Variants in PEX13 observed in about 807,000 individuals in gnomAD.
PEX13 encodes the protein peroxisomal biogenesis factor 13.
PEX13 carries 28 observed loss-of-function variants against 34.5 expected under a neutral mutation model. That is an observed-to-expected ratio of 0.81 (90% confidence interval 0.60 to 1.11). PEX13 has a LOEUF of 1.11. Among genes scored for constraint, PEX13 ranks in the 50% most tolerant of loss-of-function variants. PEX13 has a pLI of 0.00. For missense variants in PEX13, 550 were observed against 491.0 expected, an observed-to-expected ratio of 1.12 and a Z score of -1.13; for synonymous variants, 177 against 175.1, an observed-to-expected ratio of 1.01 and a Z score of -0.09.
intron 2 of PEX13, among the ~76,000 whole-genome samples, chr2:61,036,417 A>G (rs374272635): frequency 2.0e-5 from 3 of 152,358 alleles, no homozygotes; most frequent in South Asian, 4.1e-4. Context: ...AGCCCATCAG[A>G]CTAACAGCAG....
chr2:61,017,936 G>A (rs1680122565), intron 1 of PEX13, 85 bp downstream of exon 1: 2 of 1,414,290 alleles, frequency 1.4e-6, no homozygotes, highest in South Asian at 1.3e-5. Context: ...TGTTAGTGGA[G>A]GTATTCCCTT....
intron 1 of PEX13, among the ~76,000 whole-genome samples, chr2:61,029,132 C>A: frequency 1.5e-5 from 1 of 66,860 alleles, no homozygotes; most frequent in Non-Finnish European, 2.8e-5. Flanking sequence ...GAGGGAGACC[C>A]TGTCTCCAAA....
intron 2 of PEX13, 101 bp downstream of exon 2, chr2:61,032,214 T>C: frequency 1.1e-6 from 1 of 876,068 alleles, no homozygotes; most frequent in African/African-American, 1.7e-5. Context: ...TATTTACTGT[T>C]TCCAGTTATA....
At chr2:61,021,510 G>A (rs13017457) in intron 1 of PEX13, among the ~76,000 whole-genome samples, 21,349 of 152,060 alleles carry the variant, frequency 0.14, 1,842 homozygotes, top group Non-Finnish European at 0.19. Context: ...TAAACAGAGC[G>A]CCCAGGAAGC....
At chr2:61,017,944 C>T (rs1680123302) in intron 1 of PEX13, 93 bp downstream of exon 1, 4 of 1,394,044 alleles carry the variant, frequency 2.9e-6, no homozygotes, top group Middle Eastern at 1.8e-4. Flanking sequence ...GAGGTATTCC[C>T]TTCCCCCCTT....
At chr2:61,045,632 T>C in intron 2 of PEX13, 94 bp from the exon 3 acceptor site, 1 of 1,129,030 alleles carries the variant, frequency 8.9e-7, no homozygotes, top group Middle Eastern at 2.3e-4. Context: ...ACTTTTCTCT[T>C]GGCAAATTTA....
Position 61,051,562 on chromosome 2 carries a change from C to T in PEX13, c.*2792C>T, listed in dbSNP as rs1186914329. On this transcript the variant is annotated 3_prime_UTR_variant, in exon 4 of 4. Coordinates refer to ENST00000295030, the MANE Select transcript of PEX13 (RefSeq NM_002618.4). The stretch of plus-strand genomic sequence containing the variant: ...ACTAGAATAAAGAGAAATTTTGTAA[C>T]CTTTTTTATCATGACAGTTTTAGAA... 6.6e-6 allele frequency: 1 copy of T among 152,208 alleles called. No individual in the cohort carries two copies. Among genetic ancestry groups the T allele is most frequent in the Non-Finnish European group, 1.5e-5 (1 of 68,012 alleles). The allele number at this position is 152,208 out of a possible 1,614,324, so 9.4% of individuals were successfully genotyped here. A position where few individuals can be genotyped will look rare whatever the true frequency, so the allele number is the denominator to read the frequency against.
At chr2:61,045,474 T>C (rs1680691296) in intron 2 of PEX13, among the ~76,000 whole-genome samples, 1 of 152,194 alleles carries the variant, frequency 6.6e-6, no homozygotes, top group Admixed American at 6.5e-5. Flanking sequence ...CTGACCCTTT[T>C]CAGAAAAAAT....
At chr2:61,019,380 TTCTCC>T (rs1323886822) in intron 1 of PEX13, among the ~76,000 whole-genome samples, 2 of 152,132 alleles carry the variant, frequency 1.3e-5, no homozygotes, top group African/African-American at 4.8e-5. Context: ...ACTGTGTGGC[TTCTCC>T]TCTTTATATT....
At position 61,047,513 on chromosome 2, in the gene PEX13, A is replaced by AT. The variant is rs56687117; in HGVS notation, c.914-953dup. ...TACTATTTTGGATTTCAAACGAATG[A>AT]TTTTTTAAAGATTTGTTGTTAGAGA... is the stretch of plus-strand genomic sequence containing the variant. On this transcript the variant is annotated intron_variant, in intron 3 of 3. Transcript: ENST00000295030. 7.0e-4 allele frequency among the ~76,000 whole-genome samples: 107 copies of AT among 152,332 alleles called. 1 individual carries two copies. Among genetic ancestry groups the AT allele is most frequent in the African/African-American group, 2.5e-3 (104 of 41,580 alleles).
rs1680797968 is a variant in PEX13 at position 61,051,437 on chromosome 2, ATTG to A, written c.*2670_*2672del. ...TAGTGACACTTTTGTAGGGGTGTTT[ATTG>A]TTTGGTTAAGTCTGCTAAATTACGG... On this transcript the variant is annotated 3_prime_UTR_variant, in exon 4 of 4. Transcript: ENST00000295030. The A allele has an allele frequency of 6.6e-6, 1 of 152,320 alleles. No homozygotes were observed. Among genetic ancestry groups the A allele is most frequent in the Non-Finnish European group, 1.5e-5 (1 of 68,012 alleles). The allele number at this position is 152,320 out of a possible 1,614,324, so 9.4% of individuals were successfully genotyped here. A position where few individuals can be genotyped will look rare whatever the true frequency, so the allele number is the denominator to read the frequency against.
At chr2:61,037,758 G>T (rs973348823) in intron 2 of PEX13, among the ~76,000 whole-genome samples, 1 of 152,086 alleles carries the variant, frequency 6.6e-6, no homozygotes, top group Non-Finnish European at 1.5e-5. Context: ...ACATAACTAA[G>T]ATCAGAGCAA....
intron 1 of PEX13, among the ~76,000 whole-genome samples, chr2:61,019,960 AAT>A (rs1232356993): frequency 1.3e-5 from 2 of 152,158 alleles, no homozygotes; most frequent in Non-Finnish European, 2.9e-5. Flanking sequence ...TTTTGCCTTA[AAT>A]ATCTTATAAT....
At chr2:61,032,368 G>A (rs1680466841) in intron 2 of PEX13, among the ~76,000 whole-genome samples, 1 of 152,106 alleles carries the variant, frequency 6.6e-6, no homozygotes, top group South Asian at 2.1e-4. Flanking sequence ...AAGATACATA[G>A]GGCATAATTC....
At chr2:61,042,310 T>C (rs1680638073) in intron 2 of PEX13, among the ~76,000 whole-genome samples, 1 of 152,192 alleles carries the variant, frequency 6.6e-6, no homozygotes, top group African/African-American at 2.4e-5. Context: ...TCACTTTTGC[T>C]CTGCCCACTA....
At chr2:61,045,199 G>T (rs953062846) in intron 2 of PEX13, among the ~76,000 whole-genome samples, 29 of 152,274 alleles carry the variant, frequency 1.9e-4, no homozygotes, top group South Asian at 1.5e-3. Flanking sequence ...TTTCAAAAAT[G>T]CAGTACCTCA....
At chr2:61,037,166 A>G (rs1680550228) in intron 2 of PEX13, among the ~76,000 whole-genome samples, 2 of 152,174 alleles carry the variant, frequency 1.3e-5, no homozygotes, top group Admixed American at 6.5e-5. Flanking sequence ...CTCGCACACA[A>G]TCATAATGGG....
rs1680617891 is a variant in PEX13 at position 61,041,026 on chromosome 2, A to ATC, written c.788-4699_788-4698insCT. On this transcript the variant is annotated intron_variant, in intron 2 of 3. Transcript: ENST00000295030. ...GCATGGCAGTGACATGGGTCCTAAG[A>ATC]TAGAGTCAGATTGGGATTACTCACC... Among the ~76,000 whole-genome samples, 4 of 152,066 alleles carry ATC rather than the reference A, an allele frequency of 2.6e-5. No individual in the cohort carries two copies. In the South Asian group the frequency reaches 8.3e-4, roughly 32 times the overall value.
chr2:61,047,431 G>A (rs923730572), intron 3 of PEX13, among the ~76,000 whole-genome samples: 28 of 152,318 alleles, frequency 1.8e-4, no homozygotes, highest in Non-Finnish European at 3.4e-4. Context: ...TGGAATTACA[G>A]ATGTGTACCA....
Sources: allele counts gnomAD v4.1 joint callset (sites outside exome capture counted in the v4.1 genomes callset), GRCh38; gene constraint gnomAD v4.1.1; transcripts MANE v1.5; gene names NCBI Gene and HGNC (gene_info 2026-07-23, HGNC 2026-07-21).